The following KCNK2 variants were observed in gnomAD, a reference collection of about 807,000 sequenced individuals.
The protein encoded by KCNK2 is potassium two pore domain channel subfamily K member 2.
A neutral mutation model predicts 40.5 loss-of-function variants in KCNK2; 21 were observed. The ratio of observed to expected loss-of-function variants is 0.52; its 90% CI spans 0.37 to 0.75. KCNK2 has a LOEUF of 0.75. KCNK2 is among the 30% of genes least tolerant of loss of function. KCNK2 has a pLI of 0.00. For synonymous variants in KCNK2, 191 were observed against 202.2 expected (o/e 0.94, Z 0.47); for missense variants, 399 against 531.6 (o/e 0.75, Z 2.45).
intron 6 of KCNK2, among the ~76,000 whole-genome samples, chr1:215,209,214 CAT>C (rs1156489273): frequency 4.6e-5 from 6 of 130,508 alleles, no homozygotes; most frequent in Non-Finnish European, 7.8e-5. Flanking sequence ...AAAATATACA[CAT>C]ATTTTTATAT....
chr1:215,170,193 A>C (rs1355815977), intron 4 of KCNK2, among the ~76,000 whole-genome samples: 1 of 152,196 alleles, frequency 6.6e-6, no homozygotes, highest in Non-Finnish European at 1.5e-5. Context: ...TCTAAATAAC[A>C]AACATAATAA....
At chr1:215,018,800 T>G (rs543887817) in intron 1 of KCNK2, among the ~76,000 whole-genome samples, 90 of 152,222 alleles carry the variant, frequency 5.9e-4, no homozygotes, top group African/African-American at 1.8e-3. Context: ...TCTTGGAAAG[T>G]TTCCTGCAAG....
intron 6 of KCNK2, among the ~76,000 whole-genome samples, chr1:215,221,836 G>C (rs1159073890): frequency 6.6e-6 from 1 of 152,192 alleles, no homozygotes; most frequent in Non-Finnish European, 1.5e-5. Context: ...CTGAAATTCA[G>C]TATCCTCATC....
intron 1 of KCNK2, among the ~76,000 whole-genome samples, chr1:215,076,052 T>C (rs1228061164): frequency 1.3e-5 from 2 of 152,250 alleles, no homozygotes; most frequent in Non-Finnish European, 2.9e-5. Flanking sequence ...AGACAATGCT[T>C]GTACGGACAT....
At chr1:215,008,998 T>C (rs1055799842) in intron 1 of KCNK2, among the ~76,000 whole-genome samples, 3 of 152,196 alleles carry the variant, frequency 2.0e-5, no homozygotes, top group Non-Finnish European at 4.4e-5. Context: ...TGGCCATTGC[T>C]AATTGATTTT....
intron 5 of KCNK2, among the ~76,000 whole-genome samples, chr1:215,174,952 C>G (rs947677780): frequency 2.0e-5 from 3 of 152,012 alleles, no homozygotes; most frequent in East Asian, 1.9e-4. Context: ...AATTGAATAC[C>G]CTTTATTTCT....
intron 3 of KCNK2, among the ~76,000 whole-genome samples, chr1:215,142,619 G>A (rs1449967798): frequency 6.6e-6 from 1 of 152,054 alleles, no homozygotes; most frequent in African/African-American, 2.4e-5. Context: ...AGACAGTGAA[G>A]TTGGAGCCTC....
At chr1:215,130,344 A>T (rs1389942070) in intron 3 of KCNK2, among the ~76,000 whole-genome samples, 1 of 152,164 alleles carries the variant, frequency 6.6e-6, no homozygotes, top group East Asian at 1.9e-4. Context: ...CCCTACTTCT[A>T]CGCATACCCA....
chr1:215,184,520 A>G (rs932958196), intron 5 of KCNK2, among the ~76,000 whole-genome samples: 5 of 152,222 alleles, frequency 3.3e-5, no homozygotes, highest in Non-Finnish European at 7.3e-5. Flanking sequence ...TAAAGGAAAG[A>G]GGTTTAATAG....
At chr1:215,054,362 G>A (rs1344643932) in intron 1 of KCNK2, among the ~76,000 whole-genome samples, 1 of 152,104 alleles carries the variant, frequency 6.6e-6, no homozygotes, top group Admixed American at 6.6e-5. Context: ...AGGCCAATTT[G>A]GAAAACTGGT....
chr1:215,045,207 A>AC (rs1657726279), intron 1 of KCNK2, among the ~76,000 whole-genome samples: 1 of 34,848 alleles, frequency 2.9e-5, no homozygotes, highest in East Asian at 3.1e-3. Flanking sequence ...ACAAACAAAA[A>AC]CCAAAAAAAA....
upstream of KCNK2, among the ~76,000 whole-genome samples, chr1:215,078,263 G>A (rs938690920): frequency 5.9e-5 from 9 of 152,198 alleles, no homozygotes; most frequent in Non-Finnish European, 1.3e-4. Context: ...ATTCATTGGT[G>A]TTCTTGCTTG....
chr1:215,211,028 G>C (rs887688796), intron 6 of KCNK2, among the ~76,000 whole-genome samples: 2 of 152,094 alleles, frequency 1.3e-5, no homozygotes, highest in Admixed American at 6.6e-5. Context: ...TTTATGTAAA[G>C]TCTGTTCTCA....
At chr1:215,070,987 A>G (rs1658738550) in intron 1 of KCNK2, among the ~76,000 whole-genome samples, 2 of 152,220 alleles carry the variant, frequency 1.3e-5, no homozygotes, top group African/African-American at 4.8e-5. Flanking sequence ...TATTAATGTA[A>G]TTAAATTTTT....
At chr1:215,135,368 C>G (rs1661856641) in intron 3 of KCNK2, among the ~76,000 whole-genome samples, 1 of 152,022 alleles carries the variant, frequency 6.6e-6, no homozygotes, top group African/African-American at 2.4e-5. Flanking sequence ...CTAAATGAGG[C>G]TGCATATATG....
rs1020637072 is a variant in KCNK2, at chr1:215,064,477, G to A, written c.35-21891G>A. Reference sequence around the variant, plus strand: ...GGATGTTTGACTGCATCACCTCGGTGATGAGACTGCAGTATCCACTGCCTA... The same window carrying A: ...GGATGTTTGACTGCATCACCTCGGTAATGAGACTGCAGTATCCACTGCCTA... On this transcript the variant is annotated intron_variant, in intron 1 of 6. Transcript: ENST00000391895. Among the ~76,000 whole-genome samples the A allele has an allele frequency of 4.6e-5, 7 of 152,232 alleles. No homozygotes were observed. The East Asian group carries it at 1.4e-3, about 29-fold the overall frequency.
chr1:215,028,434 A>C (rs1008216282), intron 1 of KCNK2, among the ~76,000 whole-genome samples: 1 of 152,042 alleles, frequency 6.6e-6, no homozygotes, highest in African/African-American at 2.4e-5. Flanking sequence ...TAAAAGAATA[A>C]CTTTTGGGAT....
chr1:215,209,252 A>AT (rs1475819408), intron 6 of KCNK2, among the ~76,000 whole-genome samples: 2 of 120,286 alleles, frequency 1.7e-5, no homozygotes, highest in African/African-American at 7.2e-5. Flanking sequence ...ATATACACAT[A>AT]TCTTATATAT....
At chr1:215,084,321 G>T (rs976276360) in intron 1 of KCNK2, among the ~76,000 whole-genome samples, 1 of 152,078 alleles carries the variant, frequency 6.6e-6, no homozygotes, top group South Asian at 2.1e-4. Context: ...AAGGTAAACA[G>T]TCTTAGTGCT....
Sources: gnomAD v4.1 joint callset for allele counts (sites outside exome capture counted in the v4.1 genomes callset) on GRCh38, gnomAD v4.1.1 for gene constraint, MANE v1.5 for transcripts, NCBI Gene and HGNC (gene_info 2026-07-23, HGNC 2026-07-21) for gene names.